ATL1: variants seen among roughly 807,000 people sequenced by gnomAD.
The protein encoded by ATL1 is atlastin-1.
A neutral mutation model predicts 75.5 loss-of-function variants in ATL1; 31 were observed. The ratio of observed to expected loss-of-function variants is 0.41; its 90% CI spans 0.31 to 0.55. ATL1 has a LOEUF of 0.55. Among genes scored for constraint, ATL1 ranks in the 20% least tolerant of loss-of-function variants. The pLI, the probability that ATL1 is intolerant of heterozygous loss-of-function variation, is 0.27. For missense variants in ATL1, 405 were observed against 662.6 expected, an observed-to-expected ratio of 0.61 and a Z score of 4.27; for synonymous variants, 226 against 233.3, an observed-to-expected ratio of 0.97 and a Z score of 0.28.
At chr14:50,621,438 C>T (rs1051700514) in intron 9 of ATL1, among the ~76,000 whole-genome samples, 7 of 152,162 alleles carry the variant, frequency 4.6e-5, no homozygotes, top group Non-Finnish European at 8.8e-5. Context: ...ATTTTTACTG[C>T]GTGTAACACT....
intron 6 of ATL1, among the ~76,000 whole-genome samples, chr14:50,601,822 T>C (rs915320400): frequency 6.6e-6 from 1 of 152,210 alleles, no homozygotes; most frequent in African/African-American, 2.4e-5. Flanking sequence ...CTTCCAGTTT[T>C]TGTTGAGAAT....
intron 1 of ATL1, among the ~76,000 whole-genome samples, chr14:50,551,491 T>G (rs1237871679): frequency 6.6e-6 from 1 of 151,976 alleles, no homozygotes; most frequent in Non-Finnish European, 1.5e-5. Flanking sequence ...TTTCAAAAGA[T>G]AAAGAAAGAT....
intron 1 of ATL1, among the ~76,000 whole-genome samples, chr14:50,564,110 A>T (rs2038878067): frequency 6.6e-6 from 1 of 152,234 alleles, no homozygotes; most frequent in African/African-American, 2.4e-5. Context: ...TTTGGACTAG[A>T]GAAGTAGGCA....
intron 6 of ATL1, among the ~76,000 whole-genome samples, chr14:50,604,129 C>T (rs115281747): frequency 0.012 from 1,761 of 152,194 alleles, 30 homozygotes; most frequent in African/African-American, 0.041. Flanking sequence ...TCTTTATTCT[C>T]GTCTTTAATT....
At chr14:50,622,764 C>T (rs2039480470) in intron 10 of ATL1, among the ~76,000 whole-genome samples, 1 of 152,092 alleles carries the variant, frequency 6.6e-6, no homozygotes, top group Non-Finnish European at 1.5e-5. Context: ...CTTAATAGTT[C>T]CTTTTTGTTA....
chr14:50,550,229 G>C (rs1391901173), intron 1 of ATL1, among the ~76,000 whole-genome samples: 1 of 152,238 alleles, frequency 6.6e-6, no homozygotes, highest in Non-Finnish European at 1.5e-5. Context: ...CCCACTCCTA[G>C]AGAGGGAAGC....
chr14:50,601,603 C>T (rs1235171361), intron 6 of ATL1, among the ~76,000 whole-genome samples: 1 of 152,170 alleles, frequency 6.6e-6, no homozygotes, highest in Non-Finnish European at 1.5e-5. Context: ...TCTAATGAGC[C>T]AGCTCTAAAC....
upstream of ATL1, among the ~76,000 whole-genome samples, chr14:50,557,945 G>A (rs1172268571): frequency 2.0e-5 from 3 of 152,140 alleles, no homozygotes; most frequent in Non-Finnish European, 4.4e-5. Flanking sequence ...GACAAAAAGG[G>A]ACAATGTTAA....
At chr14:50,533,630 A>G (rs2038452441) in intron 1 of ATL1, among the ~76,000 whole-genome samples, 2 of 152,152 alleles carry the variant, frequency 1.3e-5, no homozygotes, top group African/African-American at 4.8e-5. Flanking sequence ...GAGAATTTGA[A>G]CAGAAAAGCC....
intron 10 of ATL1, among the ~76,000 whole-genome samples, chr14:50,622,464 G>A (rs945307647): frequency 3.3e-5 from 5 of 152,026 alleles, no homozygotes; most frequent in South Asian, 2.1e-4. Context: ...TCAAGAGATC[G>A]AGACCAGCCT....
intron 13 of ATL1, among the ~76,000 whole-genome samples, chr14:50,631,664 GA>G (rs1277158625): frequency 6.6e-6 from 1 of 152,092 alleles, no homozygotes; most frequent in African/African-American, 2.4e-5. Flanking sequence ...TAATGTTTTT[GA>G]ATAAGGTTTG....
Position 50,623,435 on chromosome 14 carries a change from T to C in ATL1, c.1119+187T>C, listed in dbSNP as rs78421588. ...TTTTTAAAAACATTGTGTGCACAATTTTGAAGGCATTTTAAATGAATTGCC... is the reference window on the plus strand; with the variant it reads ...TTTTTAAAAACATTGTGTGCACAATCTTGAAGGCATTTTAAATGAATTGCC... On this transcript the variant is annotated intron_variant, in intron 11 of 13. Transcript: ENST00000358385. Among the ~76,000 whole-genome samples the C allele has an allele frequency of 6.7e-3, 1,019 of 152,210 alleles. 21 individuals are homozygous for C. The highest frequency in any genetic ancestry group is 0.065 in the East Asian group (335 of 5,182).
At chr14:50,591,675 A>G (rs1284999634) in intron 4 of ATL1, 36 bp downstream of exon 4, 1 of 1,455,772 alleles carries the variant, frequency 6.9e-7, no homozygotes, top group Non-Finnish European at 9.6e-7. Context: ...TGTTTCTTTA[A>G]CTAAAAATTA....
At chr14:50,615,552 T>C (rs1383660429) in intron 8 of ATL1, among the ~76,000 whole-genome samples, 2 of 152,192 alleles carry the variant, frequency 1.3e-5, no homozygotes, top group Non-Finnish European at 2.9e-5. Flanking sequence ...TCTCAATCAT[T>C]AATCAGCATG....
intron 1 of ATL1, among the ~76,000 whole-genome samples, chr14:50,564,993 C>T (rs1338085041): frequency 6.6e-6 from 1 of 151,946 alleles, no homozygotes; most frequent in Non-Finnish European, 1.5e-5. Flanking sequence ...TATAAAATTT[C>T]TACTTGGTCT....
chr14:50,579,696 CT>C (rs1404982669), intron 1 of ATL1, among the ~76,000 whole-genome samples: 2 of 152,124 alleles, frequency 1.3e-5, no homozygotes, highest in African/African-American at 4.8e-5. Context: ...TCTTAAATGT[CT>C]TTCATTAGAT....
intron 6 of ATL1, among the ~76,000 whole-genome samples, chr14:50,605,430 C>A (rs2039308352): frequency 6.6e-6 from 1 of 151,954 alleles, no homozygotes; most frequent in South Asian, 2.1e-4. Flanking sequence ...TTGACAATTT[C>A]TCATTCAACC....
At chr14:50,630,855 AT>A in intron 13 of ATL1, 1 of 394,122 alleles carries the variant, frequency 2.5e-6, no homozygotes, top group Non-Finnish European at 4.9e-6. Flanking sequence ...ATATAAGAGA[AT>A]TAGAATTAAA....
intron 1 of ATL1, among the ~76,000 whole-genome samples, chr14:50,546,215 C>T (rs2038629858): frequency 6.6e-6 from 1 of 152,132 alleles, no homozygotes; most frequent in African/African-American, 2.4e-5. Flanking sequence ...TTGTCCACAG[C>T]CTTCACTGGA....
Sources: gnomAD v4.1 joint callset for allele counts (sites outside exome capture counted in the v4.1 genomes callset) on GRCh38, gnomAD v4.1.1 for gene constraint, MANE v1.5 for transcripts, NCBI Gene and HGNC (gene_info 2026-07-23, HGNC 2026-07-21) for gene names.